Variants in NKAIN2 observed in about 807,000 individuals in gnomAD.
NKAIN2 encodes the protein sodium/potassium transporting ATPase interacting 2.
In NKAIN2, 14 loss-of-function variants were observed where a neutral mutation model predicts 32.6. That is an observed-to-expected ratio of 0.43 (90% CI 0.28 to 0.67). The LOEUF is 0.67. NKAIN2 is among the 30% of genes least tolerant of loss of function. The pLI, the probability that NKAIN2 is intolerant of heterozygous loss-of-function variation, is 0.17. For missense variants in NKAIN2, 198 were observed against 258.3 expected (o/e 0.77, Z 1.60); for synonymous variants, 80 against 87.2 (o/e 0.92, Z 0.46).
chr6:123,848,598 A>C (rs1582644252), intron 1 of NKAIN2, among the ~76,000 whole-genome samples: 7 of 152,160 alleles, frequency 4.6e-5, no homozygotes, highest in Admixed American at 4.6e-4. Context: ...AGGCCTGTGC[A>C]ACTGTGAGTC....
chr6:124,730,246 C>T (rs1426486156), intron 4 of NKAIN2, among the ~76,000 whole-genome samples: 69 of 96,048 alleles, frequency 7.2e-4, no homozygotes, highest in African/African-American at 2.5e-3. Context: ...GAGCCCGCAT[C>T]GCCAAGTCAA....
intron 3 of NKAIN2, among the ~76,000 whole-genome samples, chr6:124,510,443 G>T (rs903457513): frequency 6.6e-6 from 1 of 152,102 alleles, no homozygotes; most frequent in Admixed American, 6.6e-5. Context: ...ATCAAGAGGG[G>T]TCCAGTGTAA....
At chr6:124,506,362 A>G (rs143148013) in intron 3 of NKAIN2, among the ~76,000 whole-genome samples, 1,595 of 152,302 alleles carry the variant, frequency 0.01, 30 homozygotes, top group African/African-American at 0.036. Context: ...GTAGTGTTCT[A>G]TGAAGCATTG....
chr6:124,812,046 T>C (rs1175829615), intron 5 of NKAIN2, among the ~76,000 whole-genome samples: 1 of 152,128 alleles, frequency 6.6e-6, no homozygotes, highest in Non-Finnish European at 1.5e-5. Flanking sequence ...ATTATCAAGA[T>C]TGGTAACACT....
intron 1 of NKAIN2, among the ~76,000 whole-genome samples, chr6:123,910,607 A>C: frequency 6.8e-6 from 1 of 147,568 alleles, no homozygotes; most frequent in East Asian, 2.0e-4. Flanking sequence ...AGGTTCAAGC[A>C]ATTCTCCTGC....
At chr6:124,608,465 A>T (rs1427238542) in intron 3 of NKAIN2, among the ~76,000 whole-genome samples, 1 of 152,180 alleles carries the variant, frequency 6.6e-6, no homozygotes, top group Non-Finnish European at 1.5e-5. Flanking sequence ...AACAAAGGAC[A>T]ATAATTCAAA....
chr6:124,028,463 G>A (rs1733344369), intron 1 of NKAIN2, among the ~76,000 whole-genome samples: 1 of 151,130 alleles, frequency 6.6e-6, no homozygotes, highest in African/African-American at 2.4e-5. Context: ...AATGGGTGCA[G>A]CACACCAGCA....
intron 3 of NKAIN2, among the ~76,000 whole-genome samples, chr6:124,385,905 A>AAATATAGAC (rs1772877725): frequency 6.6e-6 from 1 of 152,168 alleles, no homozygotes; most frequent in Admixed American, 6.5e-5. Flanking sequence ...TAAAAATAAA[A>AAATATAGAC]AATATAGACT....
intron 1 of NKAIN2, among the ~76,000 whole-genome samples, chr6:123,882,524 GACT>G (rs1773501641): frequency 6.6e-6 from 1 of 152,064 alleles, no homozygotes; most frequent in Non-Finnish European, 1.5e-5. Flanking sequence ...ATTGTTAATT[GACT>G]TTAATAATAG....
intron 3 of NKAIN2, among the ~76,000 whole-genome samples, chr6:124,500,244 C>T (rs943576163): frequency 3.9e-5 from 6 of 152,114 alleles, no homozygotes; most frequent in African/African-American, 1.4e-4. Flanking sequence ...GTGAGTAAAG[C>T]CATTTCAGCT....
intron 1 of NKAIN2, among the ~76,000 whole-genome samples, chr6:124,253,831 C>CT (rs774924597): frequency 0.011 from 1,417 of 134,104 alleles, 10 homozygotes; most frequent in African/African-American, 0.024. Flanking sequence ...CAATGTTCTA[C>CT]TTTTTTTTTT....
intron 4 of NKAIN2, among the ~76,000 whole-genome samples, chr6:124,782,931 A>T (rs943665986): frequency 1.3e-5 from 2 of 152,054 alleles, no homozygotes; most frequent in South Asian, 2.1e-4. Flanking sequence ...ACATTTCCCA[A>T]TTATTTTCAA....
At chr6:124,498,576 G>A (rs9401749) in intron 3 of NKAIN2, among the ~76,000 whole-genome samples, 55,856 of 151,990 alleles carry the variant, frequency 0.37, 10,726 homozygotes, top group East Asian at 0.44. Flanking sequence ...AGAACCCACA[G>A]AAATACATCA....
intron 1 of NKAIN2, among the ~76,000 whole-genome samples, chr6:124,205,056 AAAAC>A (rs1790794022): frequency 2.0e-5 from 3 of 151,910 alleles, no homozygotes; most frequent in East Asian, 3.9e-4. Context: ...ATAGACAACA[AAAAC>A]AAACAAAAAG....
chr6:124,512,915 A>C (rs1778769204), intron 3 of NKAIN2, among the ~76,000 whole-genome samples: 1 of 152,194 alleles, frequency 6.6e-6, no homozygotes, highest in South Asian at 2.1e-4. Flanking sequence ...GATGTTTAAA[A>C]ATAGCAAGAC....
intron 4 of NKAIN2, among the ~76,000 whole-genome samples, chr6:124,712,780 G>A (rs1474878911): frequency 6.6e-6 from 1 of 151,886 alleles, no homozygotes; most frequent in Non-Finnish European, 1.5e-5. Context: ...CACTCATGCT[G>A]GGAGCTGTAG....
intron 3 of NKAIN2, among the ~76,000 whole-genome samples, chr6:124,516,843 A>G (rs1259195800): frequency 6.6e-6 from 1 of 152,184 alleles, no homozygotes; most frequent in Non-Finnish European, 1.5e-5. Context: ...CTAAAATCTC[A>G]AAGTTGCATG....
intron 6 of NKAIN2, among the ~76,000 whole-genome samples, chr6:124,819,554 C>T (rs1194593545): frequency 1.3e-5 from 2 of 152,138 alleles, no homozygotes; most frequent in Non-Finnish European, 2.9e-5. Context: ...ATCCTCACAA[C>T]GACTGCACTA....
At chr6:124,440,477 G>A (rs888989961) in intron 3 of NKAIN2, among the ~76,000 whole-genome samples, 6 of 152,074 alleles carry the variant, frequency 3.9e-5, no homozygotes, top group African/African-American at 1.4e-4. Flanking sequence ...AGGTGGCTCA[G>A]ATCCTCATAC....
Sources: allele counts gnomAD v4.1 joint callset (sites outside exome capture counted in the v4.1 genomes callset), GRCh38; gene constraint gnomAD v4.1.1; transcripts MANE v1.5; gene names NCBI Gene and HGNC (gene_info 2026-07-23, HGNC 2026-07-21).